The following ENPP1 variants were observed in gnomAD, a reference collection of about 807,000 sequenced individuals.
ENPP1 encodes ectonucleotide pyrophosphatase/phosphodiesterase family member 1.
Under a neutral mutation model 122.8 loss-of-function variants are expected in ENPP1, and 73 were observed. That is an observed-to-expected ratio of 0.59 (90% CI 0.49 to 0.72). ENPP1 has a LOEUF of 0.72. Among genes scored for constraint, ENPP1 ranks in the 30% least tolerant of loss-of-function variants. The probability of loss-of-function intolerance (pLI) is 0.00; values close to 1 mark genes in which losing one functional copy is unlikely to be tolerated. For synonymous variants in ENPP1, 367 were observed against 391.6 expected, an observed-to-expected ratio of 0.94 and a Z score of 0.74; for missense variants, 978 against 1,128.1, an observed-to-expected ratio of 0.87 and a Z score of 1.91.
At chr6:131,818,462 C>A (rs371302921) in intron 1 of ENPP1, among the ~76,000 whole-genome samples, 2 of 151,822 alleles carry the variant, frequency 1.3e-5, no homozygotes, top group Non-Finnish European at 2.9e-5. Flanking sequence ...CTGGCTAACA[C>A]GGTGAAATGC....
intron 12 of ENPP1, 32 bp downstream of exon 12, chr6:131,868,158 G>A (rs1432885941): frequency 4.8e-6 from 7 of 1,460,870 alleles, no homozygotes; most frequent in African/African-American, 1.4e-5. Flanking sequence ...TACTCTTCAG[G>A]ATAAAGGGCT....
intron 16 of ENPP1, among the ~76,000 whole-genome samples, chr6:131,875,097 A>G (rs1336094397): frequency 1.3e-5 from 2 of 152,140 alleles, no homozygotes; most frequent in African/African-American, 4.8e-5. Flanking sequence ...ATGAAATACC[A>G]CTTATTGGGT....
Position 131,864,554 on chromosome 6 carries a change from G to T in ENPP1, c.1074G>T (p.Gln358His). The change falls in exon 10 of 25, where the codon CAG (glutamine) becomes CAT (histidine). Residue 358 changes from glutamine (Q) to histidine (H), a missense_variant. By Grantham distance (24) the Gln-to-His change is conservative (BLOSUM62 0). Coordinates refer to ENST00000647893, the MANE Select transcript of ENPP1 (RefSeq NM_006208.3). ...TTTTAGCTGTTCTTCAGTGGCTACAGCTTCCTAAAGATGAAAGGTCTGTAG... is the reference window on the plus strand; with the variant it reads ...TTTTAGCTGTTCTTCAGTGGCTACATCTTCCTAAAGATGAAAGGTCTGTAG... ...ERILAVLQWL[Q>H]LPKDERPHFY... The T allele has an allele frequency of 6.2e-7, 1 of 1,608,538 alleles. No homozygotes were observed. The highest frequency in any genetic ancestry group is 8.5e-7 in the Non-Finnish European group (1 of 1,175,248).
chr6:131,810,967 C>T (rs1032814381), intron 1 of ENPP1, among the ~76,000 whole-genome samples: 3 of 152,012 alleles, frequency 2.0e-5, no homozygotes, highest in Non-Finnish European at 4.4e-5. Flanking sequence ...GGTACTGAGC[C>T]AAACTGAGGA....
At chr6:131,877,220 G>C (rs1428467799) in intron 18 of ENPP1, 59 bp downstream of exon 18, 2 of 1,495,274 alleles carry the variant, frequency 1.3e-6, no homozygotes, top group East Asian at 4.6e-5. Context: ...CCTCTGCATA[G>C]CATGTGCTGT....
intron 1 of ENPP1, among the ~76,000 whole-genome samples, chr6:131,834,688 G>A (rs1447677998): frequency 1.3e-5 from 2 of 151,826 alleles, no homozygotes; most frequent in South Asian, 2.1e-4. Flanking sequence ...GTGCCACTAC[G>A]CCCAGCTAAT....
At position 131,890,372 on chromosome 6, in the gene ENPP1, A is replaced by G. The variant is rs1484184693; in HGVS notation, c.2639A>G (p.Glu880Gly). The G allele has an allele frequency of 1.2e-6, 2 of 1,614,062 alleles. No homozygotes were observed. Among genetic ancestry groups the G allele is most frequent in the South Asian group, 2.2e-5 (2 of 91,082 alleles). ...HGKHDSSWVE[E>G]LLMLHRARIT... Reference sequence around the variant, plus strand: ...AAGCATGACTCCTCATGGGTTGAAGAATTGTTAATGTTACACAGAGCACGG... The same window carrying G: ...AAGCATGACTCCTCATGGGTTGAAGGATTGTTAATGTTACACAGAGCACGG... Residue 880 changes from glutamate to glycine, a missense_variant, in exon 25 of 25, where the codon GAA (glutamate) becomes GGA (glycine). Transcript: ENST00000647893.
At chr6:131,859,598 C>T (rs900795523) in intron 7 of ENPP1, among the ~76,000 whole-genome samples, 2 of 7,778 alleles carry the variant, frequency 2.6e-4, no homozygotes, top group Non-Finnish European at 3.8e-4. Context: ...CTGCCCGGAC[C>T]TAGGGGCGGA....
chr6:131,852,422 A>T (rs1452180530), intron 5 of ENPP1, among the ~76,000 whole-genome samples, 187 bp downstream of exon 5: 2 of 152,126 alleles, frequency 1.3e-5, no homozygotes, highest in Non-Finnish European at 2.9e-5. Context: ...TGGATTTTGC[A>T]ATATTTGAGT....
intron 19 of ENPP1, among the ~76,000 whole-genome samples, chr6:131,879,149 A>G (rs1376979608): frequency 6.6e-6 from 1 of 152,140 alleles, no homozygotes; most frequent in Non-Finnish European, 1.5e-5. Flanking sequence ...TAAATTCTGC[A>G]TTAGTTCTGA....
At chr6:131,831,250 A>G (rs1417976285) in intron 1 of ENPP1, among the ~76,000 whole-genome samples, 1 of 151,940 alleles carries the variant, frequency 6.6e-6, no homozygotes, top group African/African-American at 2.4e-5. Context: ...TTCAATAAAC[A>G]TACTGTTTGA....
chr6:131,867,379 A>G (rs1439842181), intron 11 of ENPP1, among the ~76,000 whole-genome samples: 2 of 152,208 alleles, frequency 1.3e-5, no homozygotes, highest in Non-Finnish European at 2.9e-5. Flanking sequence ...CAGTTTGCCA[A>G]TATCATTTGT....
At chr6:131,815,519 T>G (rs1781402585) in intron 1 of ENPP1, among the ~76,000 whole-genome samples, 1 of 152,252 alleles carries the variant, frequency 6.6e-6, no homozygotes, top group Non-Finnish European at 1.5e-5. Flanking sequence ...TGCTAATTTC[T>G]ATTTCACTTG....
In ENPP1 at chr6:131,890,440, C is replaced by G; in HGVS notation, c.2707C>G (p.Gln903Glu). 6.2e-7 allele frequency: 1 copy of G among 1,613,672 alleles called. No individual in the cohort carries two copies. ...CATCACTGGACTCAGCTTCTATCAA[C>G]AAAGAAAAGAGCCAGTTTCAGACAT... ...EHITGLSFYQQRKEPVSDILK... is the reference protein window; with the variant it reads ...EHITGLSFYQERKEPVSDILK... Residue 903 changes from glutamine (Q) to glutamate (E), a missense_variant, in exon 25 of 25, where the codon CAA becomes GAA. Transcript: ENST00000647893.
Position 131,886,576 on chromosome 6 carries a change from T to C in ENPP1, c.2459T>C (p.Ile820Thr), listed in dbSNP as rs773681437. 5.0e-6 allele frequency: 8 copies of C among 1,613,064 alleles called. No individual in the cohort carries two copies. Among genetic ancestry groups the C allele is most frequent in the Non-Finnish European group, 5.9e-6 (7 of 1,179,158 alleles). ...LENLRQKRRV[I>T]RNQEILIPTH... ...ATGTTTTACAGAAAAAGAAGAGTCA[T>C]CCGTAACCAAGAAATTTTGATTCCA... is the stretch of plus-strand genomic sequence containing the variant. Residue 820 changes from isoleucine (I) to threonine (T), a missense_variant, in exon 24 of 25, where the codon ATC (isoleucine) becomes ACC (threonine). Ile to Thr is a moderately conservative substitution (Grantham distance 89). Around this residue, in one of 3 missense-constraint regions of ENPP1, gnomAD observed 644 missense variants for 781.5 expected, o/e 0.82. Coordinates refer to ENST00000647893, the MANE Select transcript of ENPP1 (RefSeq NM_006208.3).
intron 1 of ENPP1, among the ~76,000 whole-genome samples, chr6:131,829,765 G>T (rs2114669239): frequency 6.6e-6 from 1 of 152,330 alleles, no homozygotes; most frequent in East Asian, 1.9e-4. Context: ...AAAGAAAAAG[G>T]TGATGAAACC....
chr6:131,869,306 T>G, intron 12 of ENPP1, 52 bp from the exon 13 acceptor site: 1 of 1,594,016 alleles, frequency 6.3e-7, no homozygotes, highest in Non-Finnish European at 8.6e-7. Context: ...CTCTGCATAT[T>G]AAATTTTTTG....
intron 1 of ENPP1, among the ~76,000 whole-genome samples, chr6:131,817,545 T>C (rs1348065303): frequency 1.3e-5 from 2 of 152,120 alleles, no homozygotes; most frequent in Non-Finnish European, 2.9e-5. Flanking sequence ...TCTTGGCTTA[T>C]TTTGAAATGT....
rs11442011 is a variant in ENPP1, at chr6:131,843,659, CT to C, written c.241-4103del. Among the ~76,000 whole-genome samples, 1,008 of 140,440 alleles carry C rather than the reference CT, an allele frequency of 7.2e-3. 3 individuals carry two copies. The highest frequency in any genetic ancestry group is 9.6e-3 in the Non-Finnish European group (618 of 64,546). 92.1% of individuals were successfully genotyped at this position (140,440 alleles called of 152,430 possible). The stretch of plus-strand genomic sequence containing the variant: ...CTTTCCCTCTCCCAGGGCATGTCGT[CT>C]TTTTTTTTTTTTTCCCCCATTTTCC... On this transcript the variant is annotated intron_variant, in intron 1 of 24. Coordinates refer to ENST00000647893, the MANE Select transcript of ENPP1 (RefSeq NM_006208.3).
Sources: allele counts gnomAD v4.1 joint callset (sites outside exome capture counted in the v4.1 genomes callset), GRCh38; gene constraint gnomAD v4.1.1; regional missense constraint gnomAD v4.1.1; transcripts MANE v1.5; gene names NCBI Gene and HGNC (gene_info 2026-07-23, HGNC 2026-07-21).